Variants in MYO15A observed in about 807,000 individuals in gnomAD.
MYO15A encodes the protein unconventional myosin-XV.
Under a neutral mutation model 394.6 loss-of-function variants are expected in MYO15A, and 308 were observed. The observed-to-expected ratio is 0.78, with a 90% CI of 0.71 to 0.86. MYO15A has a LOEUF of 0.86. MYO15A is among the 40% of genes least tolerant of loss of function. The pLI, the probability that MYO15A is intolerant of heterozygous loss-of-function variation, is 0.00. For missense variants in MYO15A, 4,606 were observed against 4,799.1 expected (o/e 0.96, Z 1.19); for synonymous variants, 1,957 against 2,003.8 (o/e 0.98, Z 0.62).
intron 29 of MYO15A, among the ~76,000 whole-genome samples, chr17:18,144,896 G>A (rs1029012967): frequency 6.6e-6 from 1 of 152,078 alleles, no homozygotes; most frequent in Non-Finnish European, 1.5e-5. Flanking sequence ...GAAGGGGGAG[G>A]CAGAGTTGAC....
At chr17:18,173,716 G>A in intron 64 of MYO15A, 65 bp from the exon 65 acceptor site, 3 of 1,607,170 alleles carry the variant, frequency 1.9e-6, no homozygotes, top group Non-Finnish European at 2.6e-6. Flanking sequence ...TGCAGGGCAG[G>A]GGTAAGAGTG....
At position 18,158,639 on chromosome 17, in the gene MYO15A, G is replaced by A. The variant is rs776772238; in HGVS notation, c.9083+1G>A. On this transcript the variant is annotated splice_donor_variant, in intron 52 of 65. Transcript: ENST00000647165. LOFTEE classifies it high-confidence loss of function. ...TCCGAGACCCTCAGAGGAGACCCCA[G>A]TGAGTGGCGGCCCCACCCCTCTTCC... 6.2e-7 allele frequency: 1 copy of A among 1,613,920 alleles called. No homozygotes were observed. The highest frequency in any genetic ancestry group is 1.1e-5 in the South Asian group (1 of 91,082).
chr17:18,157,765 T>G lies in MYO15A; in HGVS notation c.8832T>G (p.Pro2944=), dbSNP rs778545858. 6 of 1,605,890 alleles carry G rather than the reference T, an allele frequency of 3.7e-6. No individual in the cohort carries two copies. The African/African-American group carries it at 6.7e-5, about 18-fold the overall frequency. Residue 2944 remains proline (P), a synonymous_variant, in exon 51 of 66, where the codon CCT becomes CCG. Transcript: ENST00000647165. ...GTIHGRVGRF[P]SELVQPAAAP... ...TCCACGGGCGCGTGGGCCGCTTCCC[T>G]TCGGAGCTGGTGCAGCCCGCTGCTG...
rs771443470 is a variant in MYO15A, at chr17:18,136,569, C to T, written c.4662C>T (p.Ala1554=). ...TVESAVDARD[A]IAKVLYALLF... ...AGCACCACCTCTGCTCCAGGGACGC[C>T]ATCGCCAAGGTCTTGTATGCACTGC... is the stretch of plus-strand genomic sequence containing the variant. Residue 1554 remains alanine (A), a synonymous_variant, in exon 15 of 66, where the codon GCC becomes GCT. Coordinates refer to ENST00000647165, the MANE Select transcript of MYO15A (RefSeq NM_016239.4). 14 of 1,613,960 alleles carry T rather than the reference C, an allele frequency of 8.7e-6. No individual in the cohort carries two copies. In the African/African-American group the frequency reaches 1.1e-4, roughly 12 times the overall value.
At chr17:18,110,767 A>G (rs73979290) in intron 1 of MYO15A, among the ~76,000 whole-genome samples, 1,621 of 152,278 alleles carry the variant, frequency 0.011, 22 homozygotes, top group African/African-American at 0.037. Flanking sequence ...CCTGCCTGCC[A>G]CCCTGGCCAC....
chr17:18,115,580 C>T (rs774215830), intron 1 of MYO15A, among the ~76,000 whole-genome samples: 24 of 152,162 alleles, frequency 1.6e-4, no homozygotes, highest in South Asian at 4.2e-4. Flanking sequence ...ATCGCACCAT[C>T]GCACTCCAGC....
At chr17:18,151,665 G>A in intron 40 of MYO15A, 138 bp downstream of exon 40, 1 of 1,244,668 alleles carries the variant, frequency 8.0e-7, no homozygotes, top group Non-Finnish European at 1.2e-6. Context: ...GATGAGTCCA[G>A]ATGAGGCCCT....
At chr17:18,152,209 G>A (rs1202838755) in intron 42 of MYO15A, 25 bp downstream of exon 42, 1 of 1,543,536 alleles carries the variant, frequency 6.5e-7, no homozygotes. Flanking sequence ...AGGGAGGGAG[G>A]GGAGGGTGTC....
In MYO15A at chr17:18,173,805, AAGG is replaced by A; in HGVS notation, c.10378_10380del (p.Glu3460del). On this transcript the variant is annotated inframe_deletion, in exon 65 of 66. Coordinates refer to ENST00000647165, the MANE Select transcript of MYO15A (RefSeq NM_016239.4). ...GGAATTGATGGTGAAGTTCCCCCTG[AAGG>A]AGATCCAGTCGACGCGGACCCAGCG... The A allele has an allele frequency of 6.2e-7, 1 of 1,614,012 alleles. No homozygotes were observed. The highest frequency in any genetic ancestry group is 8.5e-7 in the Non-Finnish European group (1 of 1,180,036).
intron 1 of MYO15A, chr17:18,110,593 C>T (rs1006524513): frequency 1.3e-5 from 2 of 152,216 alleles, no homozygotes; most frequent in African/African-American, 4.8e-5. Context: ...TGTGGGCTCT[C>T]GGCTGAGGGA....
rs1446682372 is a variant in MYO15A, at chr17:18,151,850, G to A, written c.7792G>A (p.Asp2598Asn). ...RGGRPEALRK[D>N]GGKVFMKRPD... ...ACAGTACTCCAATGCCCACAGGAAG[G>A]ATGGCGGGAAAGTGTTCATGAAGCG... The change falls in exon 41 of 66, where the codon GAT becomes AAT. Residue 2598 changes from aspartate (D) to asparagine (N), a missense_variant. Physicochemically the swap from Asp to Asn is conservative, Grantham distance 23. This residue lies in a region of MYO15A where 2,776 missense variants were observed against 3,109.3 expected (regional missense o/e 0.89). Transcript: ENST00000647165. The A allele has an allele frequency of 1.3e-6, 2 of 1,574,974 alleles. No individual in the cohort carries two copies. The highest frequency in any genetic ancestry group is 2.3e-5 in the South Asian group (2 of 85,560).
At position 18,119,419 on chromosome 17, in the gene MYO15A, C is replaced by A. The variant is rs2045859422; in HGVS notation, c.619C>A (p.Pro207Thr). The change falls in exon 2 of 66, where the codon CCC (proline) becomes ACC (threonine). Residue 207 changes from proline to threonine, a missense_variant. Physicochemically the swap from Pro to Thr is conservative, Grantham distance 38 (BLOSUM62 -1). Coordinates refer to ENST00000647165, the MANE Select transcript of MYO15A (RefSeq NM_016239.4). ...YASGEPLGFL[P>T]FEDEAPFHHS... ...GTCAGGCGAGCCCCTGGGCTTCCTG[C>A]CCTTCGAGGACGAGGCCCCATTCCA... 1 of 1,612,010 alleles carries A rather than the reference C, an allele frequency of 6.2e-7. No individual in the cohort carries two copies. The highest frequency in any genetic ancestry group is 1.1e-5 in the South Asian group (1 of 91,092).
intron 1 of MYO15A, among the ~76,000 whole-genome samples, chr17:18,113,147 C>T (rs188874295): frequency 3.7e-4 from 57 of 152,160 alleles, no homozygotes; most frequent in African/African-American, 1.3e-3. Context: ...CCACACCTGG[C>T]GCTGTATTTC....
Position 18,120,151 on chromosome 17 carries a change from C to T in MYO15A, c.1351C>T (p.Arg451Cys), listed in dbSNP as rs1391507384. The T allele has an allele frequency of 1.2e-6, 2 of 1,612,932 alleles. No homozygotes were observed. Among genetic ancestry groups the T allele is most frequent in the Middle Eastern group, 1.6e-4 (1 of 6,062 alleles). Residue 451 changes from arginine to cysteine, a missense_variant, in exon 2 of 66, where the codon CGC becomes TGC. By Grantham distance (180) the Arg-to-Cys change is radical. Around this residue, in one of 2 missense-constraint regions of MYO15A, gnomAD observed 1,830 missense variants for 1,689.7 expected, o/e 1.08. Transcript: ENST00000647165. ...CGTAGAGCGTCAGGGGACCTCCTTC[C>T]GCCTGCCCAGCGCCGCCTTCTTCGA... ...AGVERQGTSF[R>C]LPSAAFFEQQ...
Position 18,156,225 on chromosome 17 carries a change from C to A in MYO15A, c.8490C>A (p.Pro2830=). 1 of 1,614,196 alleles carries A rather than the reference C, an allele frequency of 6.2e-7. No homozygotes were observed. Residue 2830 remains proline (P), a synonymous_variant, in exon 48 of 66, where the codon CCC becomes CCA. Transcript: ENST00000647165. ...CAGATATCCTGTTTGTGACCATGCC[C>A]TCCCAGAACATGCTGGAGTTCAACC... ...SFADILFVTM[P]SQNMLEFNLA...
In MYO15A at chr17:18,148,740, T is replaced by C. The variant is rs1227069695; in HGVS notation, c.6765-21T>C. The C allele has an allele frequency of 1.3e-6, 2 of 1,581,740 alleles. No individual in the cohort carries two copies. Among genetic ancestry groups the C allele is most frequent in the African/African-American group, 2.7e-5 (2 of 74,068 alleles). On this transcript the variant is annotated intron_variant, in intron 32 of 65. Transcript: ENST00000647165. The surrounding 1 kb of genome is among the most constrained non-coding windows in gnomAD (Gnocchi z 4.8). The stretch of plus-strand genomic sequence containing the variant: ...TGATGACTCTGTCCCTCATTTCCAT[T>C]CCTGTGCATGCCATCACCAGGGGGC...
intron 60 of MYO15A, 44 bp downstream of exon 60, chr17:18,163,882 C>T (rs2142405650): frequency 1.3e-6 from 2 of 1,588,216 alleles, no homozygotes; most frequent in East Asian, 2.3e-5. Flanking sequence ...ATTCCCATCC[C>T]CGGGCCTTGT....
chr17:18,127,591 G>A (rs888894000), intron 7 of MYO15A, among the ~76,000 whole-genome samples: 2 of 152,260 alleles, frequency 1.3e-5, no homozygotes, highest in African/African-American at 4.8e-5. Context: ...GGGGTGGGGT[G>A]GGGGAGGCAG....
At position 18,151,377 on chromosome 17, in the gene MYO15A, C is replaced by A. The variant is rs769685735; in HGVS notation, c.7655-18C>A. 4 of 1,614,070 alleles carry A rather than the reference C, an allele frequency of 2.5e-6. No homozygotes were observed. Among genetic ancestry groups the A allele is most frequent in the Admixed American group, 3.3e-5 (2 of 60,008 alleles). On this transcript the variant is annotated intron_variant, in intron 39 of 65. Transcript: ENST00000647165. ...CCTTGTGGCCTCACCCTGTTCCCACCGCGCCCCTTGCCCACAGCTTCACCC... is the reference window on the plus strand; with the variant it reads ...CCTTGTGGCCTCACCCTGTTCCCACAGCGCCCCTTGCCCACAGCTTCACCC...
Sources: gnomAD v4.1 joint callset for allele counts (sites outside exome capture counted in the v4.1 genomes callset) on GRCh38, gnomAD v4.1.1 for gene constraint, gnomAD v4.1.1 regional missense constraint, Gnocchi (gnomAD v3.1) non-coding constraint, MANE v1.5 for transcripts, NCBI Gene and HGNC (gene_info 2026-07-23, HGNC 2026-07-21) for gene names.